SBK1: variants seen among roughly 807,000 people sequenced by gnomAD.
SBK1 encodes SH3 domain binding kinase 1.
A neutral mutation model predicts 24.4 loss-of-function variants in SBK1; 11 were observed. The observed-to-expected ratio is 0.45, with a 90% CI of 0.28 to 0.75. The LOEUF (loss-of-function observed/expected upper bound fraction) is 0.75, where lower values mean the gene tolerates loss of function less well. SBK1 is among the 30% of genes least tolerant of loss of function. The pLI, the probability that SBK1 is intolerant of heterozygous loss-of-function variation, is 0.12. For missense variants in SBK1, 467 were observed against 620.5 expected (o/e 0.75, Z 2.63); for synonymous variants, 308 against 284.4 (o/e 1.08, Z -0.83).
Position 28,319,963 on chromosome 16 carries a change from G to A in SBK1, c.430-113G>A. On this transcript the variant is annotated intron_variant, in intron 3 of 3. Coordinates refer to ENST00000341901, the MANE Select transcript of SBK1 (RefSeq NM_001024401.3). This position sits in a 1 kb window ranked among gnomAD's most constrained non-coding sequence, Gnocchi z 4.0. ...CGTCTGCGCGGTCGCCCCAGTTACTGGGGACAGGGTGGGAGGCGAAAACCG... is the reference window on the plus strand; with the variant it reads ...CGTCTGCGCGGTCGCCCCAGTTACTAGGGACAGGGTGGGAGGCGAAAACCG... 1 of 1,088,596 alleles carries A rather than the reference G, an allele frequency of 9.2e-7. No homozygotes were observed. The highest frequency in any genetic ancestry group is 2.8e-5 in the East Asian group (1 of 35,320). 67.4% of individuals were successfully genotyped at this position (1,088,596 alleles called of 1,614,324 possible).
chr16:28,286,268 AG>A (rs1346038357), intron 1 of SBK1: 2 of 152,374 alleles, frequency 1.3e-5, no homozygotes, highest in Non-Finnish European at 2.9e-5. Context: ...TGCCTGGCAC[AG>A]TGGCTCACAC....
At chr16:28,270,832 CTTAT>C (rs199763829) in intron 1 of SBK1, among the ~76,000 whole-genome samples, 2,351 of 147,706 alleles carry the variant, frequency 0.016, 44 homozygotes, top group African/African-American at 0.043. Flanking sequence ...TGCACCCTTT[CTTAT>C]TTATTTATTT....
In SBK1 at chr16:28,320,780, G is replaced by GGTGCCGGTGCCAGTGCCC. The variant is rs1404539997; in HGVS notation, c.1146_1163dup (p.Val385_Pro390dup). 2.1e-6 allele frequency: 3 copies of GGTGCCGGTGCCAGTGCCC among 1,405,890 alleles called. No homozygotes were observed. The highest frequency in any genetic ancestry group is 1.5e-5 in the African/African-American group (1 of 64,650). The allele number at this position is 1,405,890 out of a possible 1,614,324, so 87.1% of individuals were successfully genotyped here. A position where few individuals can be genotyped will look rare whatever the true frequency, so the allele number is the denominator to read the frequency against. On this transcript the variant is annotated inframe_insertion, in exon 4 of 4. Transcript: ENST00000341901. This position sits in a 1 kb window ranked among gnomAD's most constrained non-coding sequence, Gnocchi z 8.5. ...TCGGGTCGGTGCCCTTGCCCGTGCC[G>GGTGCCGGTGCCAGTGCCC]GTGCCGGTGCCAGTGCCCGTGCCGG... is the stretch of plus-strand genomic sequence containing the variant.
intron 1 of SBK1, among the ~76,000 whole-genome samples, chr16:28,304,910 G>A (rs183009542): frequency 6.6e-5 from 10 of 151,898 alleles, no homozygotes; most frequent in African/African-American, 1.2e-4. Context: ...GCACGGCAGC[G>A]GTAATTTTTT....
At chr16:28,279,708 G>T (rs2044517829) in intron 1 of SBK1, among the ~76,000 whole-genome samples, 1 of 152,076 alleles carries the variant, frequency 6.6e-6, no homozygotes, top group South Asian at 2.1e-4. Context: ...CTGGTGCCAG[G>T]CCTGGAGACC....
rs747051898 is a variant in SBK1, at chr16:28,320,270, G to T, written c.624G>T (p.Val208=). The T allele has an allele frequency of 1.9e-6, 3 of 1,590,298 alleles. No homozygotes were observed. The highest frequency in any genetic ancestry group is 2.3e-5 in the East Asian group (1 of 44,442). ...TRRVGCRVKR[V]SGTIPYTAPE... is the part of the protein sequence containing the mutation. Reference sequence around the variant, plus strand: ...GCGTGGGCTGCCGCGTCAAGCGCGTGAGCGGCACCATCCCTTACACGGCGC... The same window carrying T: ...GCGTGGGCTGCCGCGTCAAGCGCGTTAGCGGCACCATCCCTTACACGGCGC... The change falls in exon 4 of 4, where the codon GTG becomes GTT. Residue 208 remains valine, a synonymous_variant. Transcript: ENST00000341901. This position sits in a 1 kb window ranked among gnomAD's most constrained non-coding sequence, Gnocchi z 8.5.
intron 1 of SBK1, among the ~76,000 whole-genome samples, chr16:28,307,207 C>T (rs1259471501): frequency 2.0e-5 from 3 of 152,210 alleles, no homozygotes; most frequent in Non-Finnish European, 4.4e-5. Flanking sequence ...GAACCCCTGT[C>T]ATGTACCAAG....
chr16:28,314,876 G>A (rs1338720989), intron 1 of SBK1, among the ~76,000 whole-genome samples: 3 of 152,194 alleles, frequency 2.0e-5, no homozygotes, highest in Non-Finnish European at 4.4e-5. Context: ...CTACTTGGGA[G>A]GCTGAGGTGG....
chr16:28,308,198 T>C (rs774315746), intron 1 of SBK1, among the ~76,000 whole-genome samples: 1 of 152,172 alleles, frequency 6.6e-6, no homozygotes, highest in South Asian at 2.1e-4. Context: ...TCACCCAGGC[T>C]GGAGTGCAAT....
At chr16:28,280,603 A>C (rs1186486534) in intron 1 of SBK1, among the ~76,000 whole-genome samples, 1 of 151,974 alleles carries the variant, frequency 6.6e-6, no homozygotes, top group Non-Finnish European at 1.5e-5. Context: ...CTTCAGTCCC[A>C]GGTGTGGATA....
At chr16:28,305,898 T>C (rs952390794) in intron 1 of SBK1, among the ~76,000 whole-genome samples, 3 of 152,292 alleles carry the variant, frequency 2.0e-5, no homozygotes, top group Admixed American at 1.3e-4. Flanking sequence ...TTTGACCCAA[T>C]CCTTGCCTTG....
chr16:28,315,989 C>A (rs2044792451), intron 1 of SBK1, among the ~76,000 whole-genome samples: 1 of 152,124 alleles, frequency 6.6e-6, no homozygotes, highest in South Asian at 2.1e-4. Flanking sequence ...TGGTCTCGAA[C>A]TCCTGACCTC....
At chr16:28,311,795 T>C (rs1037417567) in intron 1 of SBK1, among the ~76,000 whole-genome samples, 1 of 151,550 alleles carries the variant, frequency 6.6e-6, no homozygotes, top group African/African-American at 2.4e-5. Flanking sequence ...AACCTGACAG[T>C]GGGGGGCACA....
chr16:28,266,728 C>A (rs918065011), intron 1 of SBK1, among the ~76,000 whole-genome samples: 1 of 128,154 alleles, frequency 7.8e-6, no homozygotes, highest in African/African-American at 3.1e-5. Context: ...TTTCTTTTTT[C>A]TTTTCTTTTT....
At chr16:28,302,367 G>A (rs2044685319) in intron 1 of SBK1, among the ~76,000 whole-genome samples, 1 of 152,242 alleles carries the variant, frequency 6.6e-6, no homozygotes, top group African/African-American at 2.4e-5. Context: ...CAAAGGTGAA[G>A]GTCGGGGACA....
chr16:28,305,863 T>G (rs2044713206), intron 1 of SBK1, among the ~76,000 whole-genome samples: 1 of 152,176 alleles, frequency 6.6e-6, no homozygotes, highest in South Asian at 2.1e-4. Context: ...ATATACGTAG[T>G]CAGATAAACT....
chr16:28,264,305 GGCTCA>G (rs1183357863), intron 1 of SBK1, among the ~76,000 whole-genome samples: 9 of 152,242 alleles, frequency 5.9e-5, no homozygotes, highest in Admixed American at 2.0e-4. Flanking sequence ...CAAGAATACA[GGCTCA>G]CGCCTGTAAT....
chr16:28,300,254 C>T (rs192049400), intron 1 of SBK1, among the ~76,000 whole-genome samples: 188 of 152,314 alleles, frequency 1.2e-3, no homozygotes, highest in African/African-American at 4.2e-3. Flanking sequence ...ATGATCTCTA[C>T]GTGACTTCTT....
upstream of SBK1, among the ~76,000 whole-genome samples, chr16:28,290,085 CAA>C (rs34970334): frequency 8.7e-4 from 89 of 102,518 alleles, no homozygotes; most frequent in Admixed American, 1.3e-3. Context: ...GACCCTGTCT[CAA>C]AAAAAAAAAA....
Sources: gnomAD v4.1 joint callset for allele counts (sites outside exome capture counted in the v4.1 genomes callset) on GRCh38, gnomAD v4.1.1 for gene constraint, Gnocchi (gnomAD v3.1) non-coding constraint, MANE v1.5 for transcripts, NCBI Gene and HGNC (gene_info 2026-07-23, HGNC 2026-07-21) for gene names.